The following KANSL1L variants were observed in gnomAD, a reference collection of about 807,000 sequenced individuals.
KANSL1L encodes the protein KAT8 regulatory NSL complex subunit 1-like protein.
In KANSL1L, 25 loss-of-function variants were observed where a neutral mutation model predicts 108.6. The observed-to-expected ratio is 0.23, with a 90% confidence interval of 0.17 to 0.32. The LOEUF is 0.32. KANSL1L is among the 10% of genes least tolerant of loss of function. The pLI is 1.00. For missense variants in KANSL1L, 1,137 were observed against 1,125.7 expected, an observed-to-expected ratio of 1.01 and a Z score of -0.14; for synonymous variants, 405 against 395.1, an observed-to-expected ratio of 1.03 and a Z score of -0.30.
chr2:210,115,942 C>A (rs2094949632), intron 3 of KANSL1L, among the ~76,000 whole-genome samples: 1 of 152,202 alleles, frequency 6.6e-6, no homozygotes, highest in African/African-American at 2.4e-5. Flanking sequence ...TGAACACTAT[C>A]CACATAAAAC....
At position 210,057,423 on chromosome 2, in the gene KANSL1L, C is replaced by T. The variant is rs527989150; in HGVS notation, c.1756-13319G>A. Among the ~76,000 whole-genome samples the T allele has an allele frequency of 9.2e-5, 14 of 152,110 alleles. No homozygotes were observed. The South Asian group carries it at 2.3e-3, about 25-fold the overall frequency. Reference sequence around the variant, plus strand: ...TTCTCAAAAAAACAAACAATAGGGCCGGGCGCTGTGGCTCACGCCTGTAAT... The same window carrying T: ...TTCTCAAAAAAACAAACAATAGGGCTGGGCGCTGTGGCTCACGCCTGTAAT... On this transcript the variant is annotated intron_variant, in intron 6 of 14. Coordinates refer to ENST00000281772, the MANE Select transcript of KANSL1L (RefSeq NM_152519.4).
At chr2:210,098,997 A>G (rs1472076215) in intron 4 of KANSL1L, among the ~76,000 whole-genome samples, 1 of 152,080 alleles carries the variant, frequency 6.6e-6, no homozygotes, top group Non-Finnish European at 1.5e-5. Flanking sequence ...AACTATTTTC[A>G]TTACACCTGT....
intron 2 of KANSL1L, among the ~76,000 whole-genome samples, chr2:210,136,258 T>G (rs926100639): frequency 3.3e-5 from 5 of 152,032 alleles, no homozygotes; most frequent in Non-Finnish European, 5.9e-5. Context: ...AAATTTAGTC[T>G]TCTTCTCTTA....
At chr2:210,043,699 A>C (rs1033720361) in intron 7 of KANSL1L, 6 of 329,522 alleles carry the variant, frequency 1.8e-5, no homozygotes, top group Non-Finnish European at 3.3e-5. Flanking sequence ...GTAATTTCCC[A>C]AAGTAAATCA....
In KANSL1L at chr2:210,027,288, C is replaced by T; in HGVS notation, c.2451+8G>A. On this transcript the variant is annotated splice_region_variant and intron_variant, in intron 12 of 14. Coordinates refer to ENST00000281772, the MANE Select transcript of KANSL1L (RefSeq NM_152519.4). The stretch of plus-strand genomic sequence containing the variant: ...TGCAATTATCCCATTAAATGAAAGG[C>T]AGCTTACCTCTTCTTTGCCTAAATT... The T allele has an allele frequency of 6.3e-7, 1 of 1,586,442 alleles. No homozygotes were observed. Among genetic ancestry groups the T allele is most frequent in the Non-Finnish European group, 8.7e-7 (1 of 1,155,012 alleles).
chr2:210,028,449 AGT>A, intron 11 of KANSL1L: 1 of 137,426 alleles, frequency 7.3e-6, no homozygotes, highest in East Asian at 2.1e-4. Flanking sequence ...ACTGTCTTAC[AGT>A]GTGAATACCC....
At chr2:210,149,889 T>C (rs959204932) in intron 2 of KANSL1L, among the ~76,000 whole-genome samples, 1 of 150,136 alleles carries the variant, frequency 6.7e-6, no homozygotes, top group Non-Finnish European at 1.5e-5. Flanking sequence ...AGATTTCAAG[T>C]ATTAAAGAAA....
Position 210,104,226 on chromosome 2 carries a change from C to G in KANSL1L, c.1306G>C (p.Ala436Pro). 6.2e-7 allele frequency: 1 copy of G among 1,613,824 alleles called. No individual in the cohort carries two copies. The highest frequency in any genetic ancestry group is 8.5e-7 in the Non-Finnish European group (1 of 1,179,790). Residue 436 changes from alanine (A) to proline (P), a missense_variant, in exon 4 of 15, where the codon GCT becomes CCT. Ala to Pro is a conservative substitution (Grantham distance 27). Around this residue, in one of 3 missense-constraint regions of KANSL1L, gnomAD observed 556 missense variants for 537.7 expected, o/e 1.03. Transcript: ENST00000281772. ...GGATTCCCTAGAATGTTTAGTGAAG[C>G]TGCTTGGTCTGCAAATTGCATTTGT... ...KKQMQFADQAASLNILGNPQV... is the reference protein window; with the variant it reads ...KKQMQFADQAPSLNILGNPQV...
chr2:210,163,630 T>G (rs1354427459), intron 1 of KANSL1L, among the ~76,000 whole-genome samples: 1 of 152,096 alleles, frequency 6.6e-6, no homozygotes, highest in South Asian at 2.1e-4. Flanking sequence ...TCCAAATTAA[T>G]GTCAGACACC....
chr2:210,098,041 A>G (rs531097485), intron 5 of KANSL1L, 45 bp downstream of exon 5: 3 of 1,521,146 alleles, frequency 2.0e-6, no homozygotes, highest in Non-Finnish European at 2.7e-6. Context: ...AAGATAAAAT[A>G]GGCAAAGTTG....
chr2:210,158,040 G>A, intron 1 of KANSL1L, among the ~76,000 whole-genome samples: 1 of 152,322 alleles, frequency 6.6e-6, no homozygotes. Context: ...CAAAATCTCT[G>A]GGTGAGATCT....
chr2:210,085,642 T>C (rs940789062), intron 5 of KANSL1L, among the ~76,000 whole-genome samples: 2 of 152,032 alleles, frequency 1.3e-5, no homozygotes, highest in African/African-American at 2.4e-5. Flanking sequence ...AACAGAAATA[T>C]AGTTTTCATT....
chr2:210,067,697 CAG>C (rs1180661658), intron 6 of KANSL1L, among the ~76,000 whole-genome samples: 8 of 115,120 alleles, frequency 6.9e-5, no homozygotes, highest in Non-Finnish European at 1.2e-4. Context: ...GCCTGAGTGA[CAG>C]AGTGAGACCC....
At chr2:210,080,145 G>GCA (rs79443997) in intron 5 of KANSL1L, 65,877 of 146,088 alleles carry the variant, frequency 0.45, 16,187 homozygotes, top group Admixed American at 0.57. Context: ...ACACACGCGT[G>GCA]CACACACACA....
intron 2 of KANSL1L, among the ~76,000 whole-genome samples, chr2:210,132,968 A>C (rs1201786685): frequency 6.6e-6 from 1 of 151,864 alleles, no homozygotes; most frequent in African/African-American, 2.4e-5. Flanking sequence ...ATAATTATTA[A>C]TTTTTCTTTT....
At chr2:210,057,846 T>C (rs1490556904) in intron 6 of KANSL1L, among the ~76,000 whole-genome samples, 1 of 152,234 alleles carries the variant, frequency 6.6e-6, no homozygotes, top group East Asian at 1.9e-4. Flanking sequence ...TTCCTATGCT[T>C]GTCTTTACTT....
intron 4 of KANSL1L, among the ~76,000 whole-genome samples, chr2:210,102,432 C>A (rs1222621940): frequency 5.3e-4 from 80 of 152,142 alleles, no homozygotes; most frequent in African/African-American, 1.6e-3. Flanking sequence ...TAAAACACCA[C>A]AAGCAATGGC....
intron 2 of KANSL1L, among the ~76,000 whole-genome samples, chr2:210,146,181 A>G (rs1465669711): frequency 6.6e-6 from 1 of 152,116 alleles, no homozygotes; most frequent in Non-Finnish European, 1.5e-5. Context: ...CAGATGTCTC[A>G]GGTATGCCAG....
At chr2:210,125,657 A>T (rs999886755) in intron 3 of KANSL1L, among the ~76,000 whole-genome samples, 36 of 152,252 alleles carry the variant, frequency 2.4e-4, no homozygotes, top group Non-Finnish European at 5.0e-4. Flanking sequence ...ATTTATTCTT[A>T]GAATGAAAGG....
Sources: allele counts gnomAD v4.1 joint callset (sites outside exome capture counted in the v4.1 genomes callset), GRCh38; gene constraint gnomAD v4.1.1; regional missense constraint gnomAD v4.1.1; transcripts MANE v1.5; gene names NCBI Gene and HGNC (gene_info 2026-07-23, HGNC 2026-07-21).